The following IDO2 variants were observed in gnomAD, a reference collection of about 807,000 sequenced individuals.
IDO2 encodes the protein indoleamine 2,3-dioxygenase 2, also known as indoleamine 2,3-dioxygenase-like 1 protein.
In IDO2, 46 loss-of-function variants were observed where a neutral mutation model predicts 45.1. The ratio of observed to expected loss-of-function variants is 1.02; its 90% CI spans 0.80 to 1.30. The LOEUF is 1.30. Among genes scored for constraint, IDO2 ranks in the 50% most tolerant of loss-of-function variants. The probability of loss-of-function intolerance (pLI) is 0.00; values close to 1 mark genes in which losing one functional copy is unlikely to be tolerated. For missense variants in IDO2, 544 were observed against 491.8 expected, an observed-to-expected ratio of 1.11 and a Z score of -1.00; for synonymous variants, 218 against 184.9, an observed-to-expected ratio of 1.18 and a Z score of -1.45.
At chr8:39,996,091 AAAG>A (rs1294458443) in intron 8 of IDO2, among the ~76,000 whole-genome samples, 16 of 151,300 alleles carry the variant, frequency 1.1e-4, no homozygotes, top group Admixed American at 2.6e-4. Flanking sequence ...AAAAAAAAGA[AAAG>A]AAAAGGCGCT....
At chr8:40,014,171 C>T (rs1047482565) in intron 10 of IDO2, among the ~76,000 whole-genome samples, 1 of 152,142 alleles carries the variant, frequency 6.6e-6, no homozygotes, top group Non-Finnish European at 1.5e-5. Flanking sequence ...TGAAATTGTT[C>T]ATTTTCTTAC....
At chr8:39,952,861 C>T (rs962558516) in intron 2 of IDO2, among the ~76,000 whole-genome samples, 48 of 151,816 alleles carry the variant, frequency 3.2e-4, no homozygotes, top group African/African-American at 1.1e-3. Context: ...CTCCGCCTCC[C>T]GGGTTCAAGC....
Position 39,974,477 on chromosome 8 carries a change from T to C in IDO2, c.196-4590T>C, listed in dbSNP as rs181311975. On this transcript the variant is annotated intron_variant, in intron 3 of 10. Transcript: ENST00000502986. ...AATGTAGGAGAGTATCTTTATGTAC[T>C]GGGATAAAGGAAGAATTTTCTAGGG... is the stretch of plus-strand genomic sequence containing the variant. 1.5e-3 allele frequency among the ~76,000 whole-genome samples: 223 copies of C among 152,336 alleles called. 1 individual carries two copies. The highest frequency in any genetic ancestry group is 3.4e-3 in the Middle Eastern group (1 of 294).
intron 3 of IDO2, among the ~76,000 whole-genome samples, chr8:39,975,779 C>T (rs567889287): frequency 2.8e-4 from 42 of 152,122 alleles, no homozygotes; most frequent in Non-Finnish European, 4.1e-4. Context: ...CTTAGAGCTT[C>T]CTAGGCCTGT....
intron 2 of IDO2, among the ~76,000 whole-genome samples, chr8:39,961,129 C>A (rs763671303): frequency 6.6e-6 from 1 of 152,064 alleles, no homozygotes; most frequent in Non-Finnish European, 1.5e-5. Flanking sequence ...GCTCATTGAG[C>A]GTCTGTCACT....
intron 9 of IDO2, among the ~76,000 whole-genome samples, chr8:40,007,844 A>G (rs1802245601): frequency 1.3e-5 from 2 of 152,240 alleles, no homozygotes; most frequent in South Asian, 4.1e-4. Context: ...CAATTTATCT[A>G]TTGGGCTGGG....
intron 7 of IDO2, 40 bp from the exon 8 acceptor site, chr8:39,989,681 G>T: frequency 7.3e-7 from 1 of 1,370,900 alleles, no homozygotes; most frequent in South Asian, 1.3e-5. Context: ...TGGACTTTAA[G>T]GGAGTGCTAA....
chr8:39,997,480 G>A (rs898315277), intron 8 of IDO2, among the ~76,000 whole-genome samples: 5 of 151,238 alleles, frequency 3.3e-5, no homozygotes, highest in Non-Finnish European at 7.4e-5. Flanking sequence ...AGACCAGCCT[G>A]GGCAACATAG....
At chr8:40,013,738 T>A in intron 10 of IDO2, 25 bp downstream of exon 10, 1 of 1,565,944 alleles carries the variant, frequency 6.4e-7, no homozygotes, top group Non-Finnish European at 8.7e-7. Context: ...TTGTTTTCCC[T>A]TGAGAGTAGA....
chr8:39,968,737 C>T (rs942372109), intron 3 of IDO2, among the ~76,000 whole-genome samples: 1 of 151,876 alleles, frequency 6.6e-6, no homozygotes, highest in Admixed American at 6.6e-5. Context: ...GGAGGGAGAG[C>T]ATTAGGACAA....
intron 1 of IDO2, among the ~76,000 whole-genome samples, chr8:39,943,923 C>G (rs1303364540): frequency 6.6e-6 from 1 of 151,972 alleles, no homozygotes; most frequent in Non-Finnish European, 1.5e-5. Flanking sequence ...GAGAATGGCT[C>G]GAGAGGTGCT....
intron 8 of IDO2, chr8:39,997,848 C>A: frequency 6.0e-6 from 1 of 166,688 alleles, no homozygotes; most frequent in Non-Finnish European, 1.3e-5. Context: ...CTCCCCATCC[C>A]ATCATTTCTT....
intron 3 of IDO2, among the ~76,000 whole-genome samples, chr8:39,977,526 T>C (rs779805195): frequency 8.5e-5 from 13 of 152,108 alleles, no homozygotes; most frequent in Non-Finnish European, 1.3e-4. Flanking sequence ...ACAAACAATT[T>C]TAAAATTAGC....
chr8:39,972,085 C>T (rs1808187875), intron 3 of IDO2, among the ~76,000 whole-genome samples: 1 of 152,202 alleles, frequency 6.6e-6, no homozygotes, highest in Non-Finnish European at 1.5e-5. Flanking sequence ...GCTGGGATTA[C>T]AGGCGTGGGC....
At chr8:39,946,321 C>G in intron 1 of IDO2, among the ~76,000 whole-genome samples, 1 of 152,340 alleles carries the variant, frequency 6.6e-6, no homozygotes, top group East Asian at 1.9e-4. Context: ...TCCTTAAAAA[C>G]TCTGCTCCCA....
exon 11 of IDO2, chr8:40,015,631 G>A (rs200984760): frequency 1.9e-5 from 29 of 1,535,536 alleles, no homozygotes; most frequent in African/African-American, 2.7e-5. Flanking sequence ...GCAATGCAGA[G>A]CCCCCATGGA....
intron 6 of IDO2, 189 bp downstream of exon 6, chr8:39,985,711 T>C: frequency 1.7e-6 from 1 of 579,684 alleles, no homozygotes; most frequent in Non-Finnish European, 3.1e-6. Flanking sequence ...TGATTGCCTC[T>C]TCCTTGTATA....
intron 1 of IDO2, among the ~76,000 whole-genome samples, chr8:39,935,724 A>G (rs1807536127): frequency 6.6e-6 from 1 of 152,220 alleles, no homozygotes; most frequent in East Asian, 1.9e-4. Flanking sequence ...TGCTGGGATT[A>G]CAGGCATGAG....
exon 2 of IDO2, chr8:39,949,254 C>A (rs1483474404): frequency 3.1e-6 from 5 of 1,589,788 alleles, no homozygotes; most frequent in Non-Finnish European, 2.6e-6. Context: ...TTTCTTCTTC[C>A]AGATTCTCTG....
Sources: allele counts gnomAD v4.1 joint callset (sites outside exome capture counted in the v4.1 genomes callset), GRCh38; gene constraint gnomAD v4.1.1; transcripts MANE v1.5; gene names NCBI Gene and HGNC (gene_info 2026-07-23, HGNC 2026-07-21).